AP2A1: variants seen among roughly 807,000 people sequenced by gnomAD.
AP2A1 encodes the protein adaptor related protein complex 2 subunit alpha 1, also known as AP-2 complex subunit alpha-1.
AP2A1 carries 21 observed loss-of-function variants against 107.3 expected under a neutral mutation model. The observed-to-expected ratio is 0.20, with a 90% CI of 0.14 to 0.28. The LOEUF (loss-of-function observed/expected upper bound fraction) is 0.28, where lower values mean the gene tolerates loss of function less well. Among genes scored for constraint, AP2A1 ranks in the 10% least tolerant of loss-of-function variants. The pLI, the probability that AP2A1 is intolerant of heterozygous loss-of-function variation, is 1.00. For synonymous variants in AP2A1, 602 were observed against 564.8 expected (o/e 1.07, Z -0.93); for missense variants, 873 against 1,307.7 (o/e 0.67, Z 5.13).
intron 2 of AP2A1, 49 bp downstream of exon 2, chr19:49,781,874 G>C (rs2084680010): frequency 1.9e-6 from 3 of 1,610,024 alleles, no homozygotes; most frequent in Non-Finnish European, 8.5e-7. Flanking sequence ...GGGGCTGGGA[G>C]CTGGGGCTCC....
At chr19:49,767,330 C>T in intron 1 of AP2A1, 130 bp downstream of exon 1, 2 of 1,161,572 alleles carry the variant, frequency 1.7e-6, no homozygotes, top group Non-Finnish European at 1.2e-6. Flanking sequence ...CATAGATGGG[C>T]CCCAGGAAGA....
At chr19:49,803,728 G>A (rs905967738) in intron 18 of AP2A1, 6 of 376,982 alleles carry the variant, frequency 1.6e-5, no homozygotes, top group African/African-American at 6.3e-5. Context: ...GGGTCCAGAC[G>A]CTGATCAGGC....
rs2084512691 is a variant in AP2A1, at chr19:49,767,295, A to T, written c.67+95A>T. The T allele has an allele frequency of 8.8e-6, 13 of 1,483,078 alleles. No individual in the cohort carries two copies. In the South Asian group the frequency reaches 1.3e-4, roughly 15 times the overall value. 91.9% of individuals were successfully genotyped at this position (1,483,078 alleles called of 1,614,324 possible). On this transcript the variant is annotated intron_variant, in intron 1 of 22. Coordinates refer to ENST00000354293, the MANE Select transcript of AP2A1 (RefSeq NM_130787.3). Reference sequence around the variant, plus strand: ...TCACAGAGGGACCCGGGGGATCAAAAGCCTCTGCGGCCGTATAGGGACAGC... The same window carrying T: ...TCACAGAGGGACCCGGGGGATCAAATGCCTCTGCGGCCGTATAGGGACAGC...
Position 49,803,173 on chromosome 19 carries a change from G to A in AP2A1, c.2238G>A (p.Glu746=). Residue 746 remains glutamate, a synonymous_variant, in exon 17 of 23, where the codon GAG becomes GAA. Transcript: ENST00000354293. ...NQLLQIGVKS[E]FRQNLGRMYL... Reference sequence around the variant, plus strand: ...TGCTGCAGATCGGAGTCAAGTCAGAGTTCCGACAGAACCTGGGTGTGTCCC... The same window carrying A: ...TGCTGCAGATCGGAGTCAAGTCAGAATTCCGACAGAACCTGGGTGTGTCCC... 1.2e-6 allele frequency: 2 copies of A among 1,614,014 alleles called. No homozygotes were observed. The highest frequency in any genetic ancestry group is 1.7e-6 in the Non-Finnish European group (2 of 1,179,896).
At chr19:49,775,754 C>T (rs1234243975) in intron 1 of AP2A1, among the ~76,000 whole-genome samples, 1 of 152,180 alleles carries the variant, frequency 6.6e-6, no homozygotes, top group African/African-American at 2.4e-5. Context: ...ACAGGAAGCA[C>T]ATCAGGTCTC....
chr19:49,802,118 C>A lies in AP2A1; in HGVS notation c.2091C>A (p.Pro697=). 6.3e-7 allele frequency: 1 copy of A among 1,581,422 alleles called. No individual in the cohort carries two copies. Among genetic ancestry groups the A allele is most frequent in the East Asian group, 2.3e-5 (1 of 43,916 alleles). ...CGGCCGCCCAGCCCAGCCTGGGGCC[C>A]ACCCCCGAGGAGGCCTTCCTCAGGT... The part of the protein sequence containing the change: ...DGPAAQPSLG[P]TPEEAFLSPG... The change falls in exon 15 of 23, where the codon CCC becomes CCA. Residue 697 remains proline (P), a synonymous_variant. Transcript: ENST00000354293.
intron 4 of AP2A1, among the ~76,000 whole-genome samples, chr19:49,783,717 C>T (rs982037868): frequency 3.9e-5 from 6 of 152,156 alleles, no homozygotes; most frequent in Admixed American, 6.5e-5. Flanking sequence ...TGGGTGAACC[C>T]GAGTATCGGT....
rs1340144808 is a variant in AP2A1 at position 49,806,903 on chromosome 19, ATTT to A, written c.*148_*150del. The A allele has an allele frequency of 1.3e-6, 2 of 1,538,002 alleles. No individual in the cohort carries two copies. Among genetic ancestry groups the A allele is most frequent in the Admixed American group, 3.9e-5 (2 of 50,962 alleles). ...CTGGGACTTTCCTCCGGCCTTTTGT[ATTT>A]TTATTTTTGTTCATCTGCTGCTGTT... is the stretch of plus-strand genomic sequence containing the variant. On this transcript the variant is annotated 3_prime_UTR_variant, in exon 23 of 23. Coordinates refer to ENST00000354293, the MANE Select transcript of AP2A1 (RefSeq NM_130787.3).
chr19:49,796,609 GC>G (rs1466883514), intron 7 of AP2A1: 2 of 152,244 alleles, frequency 1.3e-5, no homozygotes, highest in Admixed American at 1.3e-4. Context: ...GCATGCGTTC[GC>G]CTGTGTGTGT....
intron 1 of AP2A1, among the ~76,000 whole-genome samples, chr19:49,767,618 G>T (rs2084516627): frequency 6.6e-6 from 1 of 152,108 alleles, no homozygotes; most frequent in Non-Finnish European, 1.5e-5. Context: ...GGCCAGAGGG[G>T]ACCTGGAGGA....
In AP2A1 at chr19:49,805,520, C is replaced by G; in HGVS notation, c.2412C>G (p.Leu804=). 6.4e-7 allele frequency: 1 copy of G among 1,570,758 alleles called. No homozygotes were observed. Among genetic ancestry groups the G allele is most frequent in the Non-Finnish European group, 8.6e-7 (1 of 1,159,234 alleles). The change falls in exon 19 of 23, where the codon CTC becomes CTG. Residue 804 remains leucine (L), a synonymous_variant. Transcript: ENST00000354293. ...VDGGAQVQQV[L]NIECLRDFLT... is the part of the protein sequence containing the mutation. Reference sequence around the variant, plus strand: ...GCGGCGCGCAGGTGCAGCAGGTGCTCAATATCGAGTGCCTGCGGGACTTCC... The same window carrying G: ...GCGGCGCGCAGGTGCAGCAGGTGCTGAATATCGAGTGCCTGCGGGACTTCC...
chr19:49,773,377 C>T (rs942167275), intron 1 of AP2A1, among the ~76,000 whole-genome samples: 4 of 152,222 alleles, frequency 2.6e-5, no homozygotes, highest in Admixed American at 6.5e-5. Flanking sequence ...GAGCACATCC[C>T]ACTCCAAATG....
At chr19:49,781,906 T>C (rs1270081770) in intron 2 of AP2A1, 41 bp from the exon 3 acceptor site, 1 of 1,588,376 alleles carries the variant, frequency 6.3e-7, no homozygotes, top group Admixed American at 1.7e-5. Context: ...CTGTGACCCT[T>C]CCTTATTTCT....
intron 21 of AP2A1, 64 bp from the exon 22 acceptor site, chr19:49,806,054 TG>T: frequency 6.2e-7 from 1 of 1,603,430 alleles, no homozygotes; most frequent in Non-Finnish European, 8.5e-7. Context: ...TTTTGGGATC[TG>T]GGATGCCACT....
At chr19:49,770,089 G>A (rs1349143824) in intron 1 of AP2A1, among the ~76,000 whole-genome samples, 1 of 152,120 alleles carries the variant, frequency 6.6e-6, no homozygotes, top group Non-Finnish European at 1.5e-5. Context: ...GGCTGGTCTC[G>A]AACTCCCAAC....
intron 1 of AP2A1, among the ~76,000 whole-genome samples, chr19:49,779,819 C>T (rs2084655676): frequency 1.3e-5 from 2 of 152,226 alleles, no homozygotes; most frequent in South Asian, 4.1e-4. Context: ...GGAATGGCCA[C>T]ATTTCAGGAT....
At chr19:49,801,094 T>G (rs1408905612) in intron 12 of AP2A1, 36 bp downstream of exon 12, 2 of 1,556,352 alleles carry the variant, frequency 1.3e-6, no homozygotes, top group Non-Finnish European at 1.7e-6. Context: ...AGAACACACA[T>G]GCTTCTGAGG....
Position 49,800,799 on chromosome 19 carries a change from C to G in AP2A1, c.1456-162C>G, listed in dbSNP as rs551632018. The G allele has an allele frequency of 1.6e-5, 9 of 574,712 alleles. 1 individual carries two copies. The South Asian group carries it at 1.8e-4, about 11-fold the overall frequency. 35.6% of individuals were successfully genotyped at this position (574,712 alleles called of 1,614,324 possible). On this transcript the variant is annotated intron_variant, in intron 11 of 22. Coordinates refer to ENST00000354293, the MANE Select transcript of AP2A1 (RefSeq NM_130787.3). ...AGCCCTGTTTTACTTCCTGTGTGAG[C>G]TTGGGCCCGTCACTCAACCTTTCTG...
rs780545784 is a variant in AP2A1, at chr19:49,798,845, T to A, written c.858T>A (p.Thr286=). 1.2e-6 allele frequency: 2 copies of A among 1,603,336 alleles called. No homozygotes were observed. Among genetic ancestry groups the A allele is most frequent in the Admixed American group, 3.4e-5 (2 of 58,352 alleles). ...GGCGGCTGGTGGAATGTCTGGAGAC[T>A]GTGCTCAACAAGGCCCAGGAGCCCC... ...VKGRLVECLE[T]VLNKAQEPPK... is the part of the protein sequence containing the mutation. The change falls in exon 8 of 23, where the codon ACT becomes ACA. Residue 286 remains threonine (T), a synonymous_variant. Coordinates refer to ENST00000354293, the MANE Select transcript of AP2A1 (RefSeq NM_130787.3).
Sources: allele counts gnomAD v4.1 joint callset (sites outside exome capture counted in the v4.1 genomes callset), GRCh38; gene constraint gnomAD v4.1.1; transcripts MANE v1.5; gene names NCBI Gene and HGNC (gene_info 2026-07-23, HGNC 2026-07-21).